Variants in PCDH15 observed in about 807,000 individuals in gnomAD.
PCDH15 encodes the protein protocadherin related 15, also known as protocadherin-15.
In PCDH15, 129 loss-of-function variants were observed where a neutral mutation model predicts 178.5. The ratio of observed to expected loss-of-function variants is 0.72; its 90% CI spans 0.63 to 0.84. PCDH15 has a LOEUF of 0.84. Among genes scored for constraint, PCDH15 ranks in the 40% least tolerant of loss-of-function variants. The pLI is 0.00. For synonymous variants in PCDH15, 800 were observed against 732.0 expected (o/e 1.09, Z -1.50); for missense variants, 2,230 against 2,099.9 (o/e 1.06, Z -1.21).
intron 18 of PCDH15, among the ~76,000 whole-genome samples, chr10:54,049,362 C>T (rs1332989171): frequency 6.6e-6 from 1 of 152,022 alleles, no homozygotes; most frequent in Non-Finnish European, 1.5e-5. Flanking sequence ...TCTTTTATTT[C>T]TTTCTTTGCC....
chr10:55,403,815 A>AT (rs545189204), intron 2 of PCDH15, among the ~76,000 whole-genome samples: 7 of 151,996 alleles, frequency 4.6e-5, no homozygotes, highest in East Asian at 3.9e-4. Flanking sequence ...GTTCAAGATG[A>AT]TTTTTTTAAA....
At chr10:55,281,406 A>G (rs923313925) in intron 1 of PCDH15, among the ~76,000 whole-genome samples, 3 of 151,504 alleles carry the variant, frequency 2.0e-5, no homozygotes, top group Non-Finnish European at 4.4e-5. Context: ...TTACCACTAT[A>G]CAAATAAAAA....
chr10:54,230,309 G>T (rs940966529), intron 9 of PCDH15, among the ~76,000 whole-genome samples: 2 of 152,034 alleles, frequency 1.3e-5, no homozygotes, highest in African/African-American at 4.8e-5. Context: ...AGCTATAAGT[G>T]TTCAGTTATA....
chr10:54,452,683 A>G (rs2076554608), intron 3 of PCDH15, among the ~76,000 whole-genome samples: 1 of 151,950 alleles, frequency 6.6e-6, no homozygotes, highest in African/African-American at 2.4e-5. Flanking sequence ...CACTTCTTGG[A>G]TAGGTCTTTC....
At chr10:55,494,960 A>G (rs1840499449) in intron 2 of PCDH15, among the ~76,000 whole-genome samples, 1 of 151,844 alleles carries the variant, frequency 6.6e-6, no homozygotes, top group Middle Eastern at 3.2e-3. Flanking sequence ...AAATTTATAA[A>G]TAAGCCTTAG....
chr10:55,263,651 G>A (rs1842203760), intron 1 of PCDH15, among the ~76,000 whole-genome samples: 1 of 151,948 alleles, frequency 6.6e-6, no homozygotes, highest in Admixed American at 6.5e-5. Flanking sequence ...GGATTAGAGG[G>A]ACTCACTTGC....
intron 2 of PCDH15, among the ~76,000 whole-genome samples, chr10:55,373,929 C>T (rs1028837650): frequency 7.4e-6 from 1 of 134,416 alleles, no homozygotes; most frequent in South Asian, 2.6e-4. Flanking sequence ...CATCACACAC[C>T]GAGGCCGGTG....
intron 2 of PCDH15, among the ~76,000 whole-genome samples, chr10:55,056,644 A>ATTAC (rs1841313213): frequency 3.0e-5 from 3 of 100,418 alleles, no homozygotes; most frequent in Admixed American, 9.4e-5. Flanking sequence ...ATTATTATTA[A>ATTAC]TATTTTGAGA....
chr10:54,337,537 T>C (rs191190917), intron 6 of PCDH15, among the ~76,000 whole-genome samples: 3 of 152,286 alleles, frequency 2.0e-5, no homozygotes, highest in Admixed American at 2.0e-4. Flanking sequence ...GGTATGTCTT[T>C]ATCAACAGCG....
intron 7 of PCDH15, among the ~76,000 whole-genome samples, chr10:54,325,524 G>T (rs1392623481): frequency 6.6e-6 from 1 of 152,070 alleles, no homozygotes; most frequent in Non-Finnish European, 1.5e-5. Context: ...TGAGGTGAGT[G>T]AATTGCTTGA....
chr10:55,114,153 G>A (rs1200509306), intron 2 of PCDH15, among the ~76,000 whole-genome samples: 4 of 151,928 alleles, frequency 2.6e-5, no homozygotes, highest in Non-Finnish European at 5.9e-5. Flanking sequence ...GGGTTTCACC[G>A]TGTTAGCCAG....
In PCDH15 at chr10:55,576,329, G is replaced by A. The variant is rs895223800; in HGVS notation, c.-156+51296C>T. ...TAAGTGTAAGTGGATCATCATAAGGGTCTTCGCCCTTGTCATCTTCACACT... is the reference window on the plus strand; with the variant it reads ...TAAGTGTAAGTGGATCATCATAAGGATCTTCGCCCTTGTCATCTTCACACT... On this transcript the variant is annotated intron_variant, in intron 2 of 5. Coordinates refer to the PCDH15 transcript ENST00000613346. 2.6e-5 allele frequency among the ~76,000 whole-genome samples: 4 copies of A among 152,258 alleles called. No homozygotes were observed. In the East Asian group the frequency reaches 7.7e-4, roughly 29 times the overall value.
At chr10:53,936,477 G>C (rs1342295663) in intron 25 of PCDH15, among the ~76,000 whole-genome samples, 3 of 152,114 alleles carry the variant, frequency 2.0e-5, no homozygotes, top group Non-Finnish European at 4.4e-5. Flanking sequence ...TGAGAGCATA[G>C]AGGAACAACT....
intron 11 of PCDH15, among the ~76,000 whole-genome samples, chr10:54,189,535 A>T (rs2048773406): frequency 6.6e-6 from 1 of 152,118 alleles, no homozygotes; most frequent in Admixed American, 6.6e-5. Context: ...CCCACATATA[A>T]TGGAATAACG....
intron 3 of PCDH15, among the ~76,000 whole-genome samples, chr10:54,403,377 C>T (rs1385827775): frequency 7.9e-5 from 12 of 151,864 alleles, no homozygotes; most frequent in African/African-American, 2.2e-4. Context: ...GAAAGGCTTT[C>T]GATAAAATTC....
chr10:53,866,820 G>T lies in PCDH15; in HGVS notation c.3539C>A (p.Ala1180Asp), dbSNP rs1382264302. Residue 1180 changes from alanine to aspartate, a missense_variant, in exon 27 of 38, where the codon GCC becomes GAC. Ala to Asp is a moderately radical substitution (Grantham distance 126). Transcript: ENST00000644397. ...AATTGGTGGTATTATGAGTCTGTAG[G>T]CCATGACACTATAATTGCCAGTATC... ...DKDTGNYSVM[A>D]YRLIIPPIKE... 1 of 1,612,642 alleles carries T rather than the reference G, an allele frequency of 6.2e-7. No homozygotes were observed. Among genetic ancestry groups the T allele is most frequent in the African/African-American group, 1.3e-5 (1 of 74,778 alleles).
At chr10:54,237,334 T>A (rs2054736556) in intron 8 of PCDH15, among the ~76,000 whole-genome samples, 1 of 152,080 alleles carries the variant, frequency 6.6e-6, no homozygotes, top group Admixed American at 6.6e-5. Context: ...TGCTAAATCA[T>A]TTTTTAGTTT....
chr10:55,356,401 T>C (rs1383073580), intron 2 of PCDH15, among the ~76,000 whole-genome samples: 1 of 151,848 alleles, frequency 6.6e-6, no homozygotes, highest in Non-Finnish European at 1.5e-5. Context: ...CCTCAAACAG[T>C]GGTTATGACT....
chr10:55,424,298 T>A lies in PCDH15; in HGVS notation c.-156+203327A>T, dbSNP rs143882405. On this transcript the variant is annotated intron_variant, in intron 2 of 5. Coordinates refer to the PCDH15 transcript ENST00000613346. ...ATTTGAGGCATTGTAGTGTGTGCCC[T>A]GGTGATGTCAGGGGGTATCATGAGA... Among the ~76,000 whole-genome samples, 55 of 152,264 alleles carry A rather than the reference T, an allele frequency of 3.6e-4. No individual in the cohort carries two copies. The East Asian group carries it at 8.7e-3, about 24-fold the overall frequency.
Sources: allele counts gnomAD v4.1 joint callset (sites outside exome capture counted in the v4.1 genomes callset), GRCh38; gene constraint gnomAD v4.1.1; transcripts MANE v1.5; gene names NCBI Gene and HGNC (gene_info 2026-07-23, HGNC 2026-07-21).